MDH2: variants seen among roughly 807,000 people sequenced by gnomAD.
The protein encoded by MDH2 is malate dehydrogenase 2.
MDH2 carries 25 observed loss-of-function variants against 33.6 expected under a neutral mutation model. That is an observed-to-expected ratio of 0.74 (90% CI 0.54 to 1.04). The LOEUF (loss-of-function observed/expected upper bound fraction) is 1.04, where lower values mean the gene tolerates loss of function less well. Among genes scored for constraint, MDH2 ranks in the 50% least tolerant of loss-of-function variants. The pLI, the probability that MDH2 is intolerant of heterozygous loss-of-function variation, is 0.00. For synonymous variants in MDH2, 193 were observed against 188.7 expected (o/e 1.02, Z -0.19); for missense variants, 432 against 445.0 (o/e 0.97, Z 0.26).
In MDH2 at chr7:76,050,913, G is replaced by A. The variant is rs77407713; in HGVS notation, c.66+2687G>A. On this transcript the variant is annotated intron_variant, in intron 1 of 8. Coordinates refer to ENST00000315758, the MANE Select transcript of MDH2 (RefSeq NM_005918.4). The stretch of plus-strand genomic sequence containing the variant: ...TTTTTATTTATTTACTGAGAGTCTC[G>A]CTCTGTTGCCCAGGCTGGAGTACAG... Among the ~76,000 whole-genome samples, 154 of 152,190 alleles carry A rather than the reference G, an allele frequency of 1.0e-3. 4 individuals are homozygous for A. In the East Asian group the frequency reaches 0.026, roughly 26 times the overall value.
chr7:76,048,389 C>A, intron 1 of MDH2, 163 bp downstream of exon 1: 2 of 1,182,310 alleles, frequency 1.7e-6, no homozygotes, highest in Non-Finnish European at 2.3e-6. Flanking sequence ...CTGACACTGG[C>A]CTGGAGGTGC....
At position 76,064,893 on chromosome 7, in the gene MDH2, T is replaced by A. The variant is rs782299988; in HGVS notation, c.825T>A (p.Cys275Ter). Residue 275 changes from cysteine to a stop codon, truncating the protein, a stop_gained, in exon 8 of 9, where the codon TGT becomes TGA. Transcript: ENST00000315758. LOFTEE classifies it high-confidence loss of function. ...AMNGKEGVVE[C>*]SFVKSQETEC... ...ATGGAAAGGAAGGTGTTGTGGAATG[T>A]TCCTTCGTTAAGTCACAGGAAACGG... 6.2e-7 allele frequency: 1 copy of A among 1,614,168 alleles called. No individual in the cohort carries two copies. Among genetic ancestry groups the A allele is most frequent in the Non-Finnish European group, 8.5e-7 (1 of 1,180,026 alleles).
chr7:76,058,264 G>A (rs1358221310), intron 4 of MDH2, 186 bp downstream of exon 4: 2 of 590,622 alleles, frequency 3.4e-6, no homozygotes, highest in Non-Finnish European at 6.1e-6. Context: ...CACTTCCTAA[G>A]GACTCCTTCC....
At position 76,060,498 on chromosome 7, in the gene MDH2, G is replaced by A. The variant is rs142812282; in HGVS notation, c.555G>A (p.Lys185=). Residue 185 remains lysine, a splice_region_variant and synonymous_variant, in exon 5 of 9, where the codon AAG becomes AAA. Coordinates refer to ENST00000315758, the MANE Select transcript of MDH2 (RefSeq NM_005918.4). The part of the protein sequence containing the change: ...VRANTFVAEL[K]GLDPARVNVP... ...CCAACACCTTTGTTGCAGAGCTGAA[G>A]GTAAGGGCGGCGTGGGTGTTGCTCA... 2,214 of 1,614,086 alleles carry A rather than the reference G, an allele frequency of 1.4e-3. 27 individuals carry two copies. The African/African-American group carries it at 0.022, about 16-fold the overall frequency.
intron 4 of MDH2, 78 bp downstream of exon 4, chr7:76,058,156 G>A: frequency 7.6e-7 from 1 of 1,312,214 alleles, no homozygotes; most frequent in Non-Finnish European, 1.1e-6. Flanking sequence ...CTCACGGTTT[G>A]CAGCAAAGGC....
intron 6 of MDH2, 90 bp from the exon 7 acceptor site, chr7:76,064,249 A>G: frequency 1.2e-6 from 1 of 836,394 alleles, no homozygotes; most frequent in Non-Finnish European, 1.9e-6. Context: ...TGGGAGGGAG[A>G]GGAGAGGTCG....
At chr7:76,064,312 T>A (rs782043476) in intron 6 of MDH2, 27 bp from the exon 7 acceptor site, 2 of 1,583,852 alleles carry the variant, frequency 1.3e-6, no homozygotes, top group Non-Finnish European at 8.6e-7. Flanking sequence ...CGGAAGCCAC[T>A]CACTGATCCC....
intron 4 of MDH2, among the ~76,000 whole-genome samples, chr7:76,058,327 A>G (rs1797847612): frequency 6.6e-6 from 1 of 152,236 alleles, no homozygotes; most frequent in African/African-American, 2.4e-5. Context: ...TGGGCAGACC[A>G]CGTCTCTCTC....
rs1163245053 is a variant in MDH2 at position 76,048,179 on chromosome 7, C to A, written c.19C>A (p.Arg7=). 6.5e-7 allele frequency: 1 copy of A among 1,536,558 alleles called. No individual in the cohort carries two copies. The highest frequency in any genetic ancestry group is 8.7e-7 in the Non-Finnish European group (1 of 1,146,616). Reference sequence around the variant, plus strand: ...TCCAGCCATGCTCTCCGCCCTCGCCCGGCCTGCCAGCGCTGCTCTCCGCCG... The same window carrying A: ...TCCAGCCATGCTCTCCGCCCTCGCCAGGCCTGCCAGCGCTGCTCTCCGCCG... The part of the protein sequence containing the change: MLSALA[R]PASAALRRSF... The change falls in exon 1 of 9, where the codon CGG becomes AGG. Residue 7 remains arginine (R), a synonymous_variant. Coordinates refer to ENST00000315758, the MANE Select transcript of MDH2 (RefSeq NM_005918.4).
chr7:76,057,960 C>A lies in MDH2; in HGVS notation c.320-9C>A. 1 of 1,612,930 alleles carries A rather than the reference C, an allele frequency of 6.2e-7. No individual in the cohort carries two copies. The highest frequency in any genetic ancestry group is 8.5e-7 in the Non-Finnish European group (1 of 1,179,042). ...TCTCTGTTAACATCTCATATTGGAT[C>A]ATTTCCAGGCATGACCCGGGACGAC... On this transcript the variant is annotated splice_polypyrimidine_tract_variant and intron_variant, in intron 3 of 8. Coordinates refer to ENST00000315758, the MANE Select transcript of MDH2 (RefSeq NM_005918.4).
At chr7:76,066,152 A>G in intron 8 of MDH2, 127 bp from the exon 9 acceptor site, 1 of 1,220,686 alleles carries the variant, frequency 8.2e-7, no homozygotes, top group South Asian at 1.6e-5. Context: ...AGGCGTCCCC[A>G]GCAAGGCACC....
chr7:76,064,085 C>CGTCTTTTTTTTTTTT (rs1798027400), intron 6 of MDH2, among the ~76,000 whole-genome samples: 1 of 150,002 alleles, frequency 6.7e-6, no homozygotes, highest in Non-Finnish European at 1.5e-5. Context: ...GATTTCACTT[C>CGTCTTTTTTTTTTTT]GTCTTTTTTT....
At chr7:76,057,269 G>A (rs1046416171) in intron 2 of MDH2, 141 bp from the exon 3 acceptor site, 10 of 753,456 alleles carry the variant, frequency 1.3e-5, no homozygotes, top group African/African-American at 5.3e-5. Context: ...GGCAGTAGTC[G>A]TCAACAGAAG....
intron 5 of MDH2, among the ~76,000 whole-genome samples, chr7:76,061,949 G>A (rs1323403279): frequency 6.6e-6 from 1 of 152,172 alleles, no homozygotes; most frequent in Non-Finnish European, 1.5e-5. Context: ...ATGCTCCATG[G>A]CCACATATGG....
At chr7:76,051,152 T>G (rs1163172706) in intron 1 of MDH2, among the ~76,000 whole-genome samples, 2 of 151,980 alleles carry the variant, frequency 1.3e-5, no homozygotes, top group Non-Finnish European at 2.9e-5. Flanking sequence ...CCCAAGGTAC[T>G]GGGATTATAG....
At chr7:76,055,050 G>T in intron 2 of MDH2, 52 bp downstream of exon 2, 1 of 1,540,014 alleles carries the variant, frequency 6.5e-7, no homozygotes, top group East Asian at 2.3e-5. Flanking sequence ...AGTAGGCCAG[G>T]ATTCGAGTTT....
At chr7:76,059,628 T>G (rs2116681676) in intron 4 of MDH2, among the ~76,000 whole-genome samples, 1 of 152,318 alleles carries the variant, frequency 6.6e-6, no homozygotes, top group Non-Finnish European at 1.5e-5. Flanking sequence ...TGTCTGAGGA[T>G]GAGGATCAAT....
Position 76,066,434 on chromosome 7 carries a change from T to G in MDH2, c.*24T>G. The G allele has an allele frequency of 5.7e-6, 9 of 1,592,340 alleles. No individual in the cohort carries two copies. Among genetic ancestry groups the G allele is most frequent in the Non-Finnish European group, 7.7e-6 (9 of 1,170,470 alleles). On this transcript the variant is annotated 3_prime_UTR_variant, in exon 9 of 9. Transcript: ENST00000315758. ...GAGCCGCTGTGACGGGTGGCCAGTT[T>G]CCTTAATTTATGAAGGCATCATGTC...
At chr7:76,050,997 T>G (rs1276047869) in intron 1 of MDH2, among the ~76,000 whole-genome samples, 2 of 152,102 alleles carry the variant, frequency 1.3e-5, no homozygotes, top group Non-Finnish European at 2.9e-5. Flanking sequence ...TTCTCTCACC[T>G]CAGCCTCCTG....
Sources: allele counts gnomAD v4.1 joint callset (sites outside exome capture counted in the v4.1 genomes callset), GRCh38; gene constraint gnomAD v4.1.1; transcripts MANE v1.5; gene names NCBI Gene and HGNC (gene_info 2026-07-23, HGNC 2026-07-21).